Variants in OXR1 observed in about 807,000 individuals in gnomAD.
The protein encoded by OXR1 is oxidation resistance protein 1.
OXR1 carries 41 observed loss-of-function variants against 104.6 expected under a neutral mutation model. The observed-to-expected ratio is 0.39, with a 90% CI of 0.31 to 0.51. The LOEUF is 0.51. OXR1 is among the 20% of genes least tolerant of loss of function. OXR1 has a pLI of 0.77. For synonymous variants in OXR1, 348 were observed against 348.4 expected (o/e 1.00, Z 0.01); for missense variants, 955 against 1,031.9 (o/e 0.93, Z 1.02).
At chr8:106,389,939 G>A (rs1206752460) in intron 2 of OXR1, among the ~76,000 whole-genome samples, 1 of 152,046 alleles carries the variant, frequency 6.6e-6, no homozygotes, top group Admixed American at 6.6e-5. Flanking sequence ...GGTGGCAGGT[G>A]CCTGTAGTCC....
At chr8:106,749,507 G>T (rs964693498) in intron 16 of OXR1, among the ~76,000 whole-genome samples, 7 of 152,032 alleles carry the variant, frequency 4.6e-5, no homozygotes, top group Admixed American at 2.0e-4. Flanking sequence ...TCTTTTTTGT[G>T]TGTTTTAATA....
intron 2 of OXR1, among the ~76,000 whole-genome samples, chr8:106,480,804 C>T (rs905243637): frequency 2.0e-5 from 3 of 151,918 alleles, no homozygotes; most frequent in African/African-American, 4.8e-5. Context: ...TTGCCTATCT[C>T]ACAAAAGTTT....
intron 1 of OXR1, among the ~76,000 whole-genome samples, chr8:106,276,209 CTG>C (rs1812030158): frequency 6.6e-6 from 1 of 152,196 alleles, no homozygotes; most frequent in African/African-American, 2.4e-5. Flanking sequence ...AGGCTGTAGT[CTG>C]TTTTACAGAA....
intron 1 of OXR1, among the ~76,000 whole-genome samples, chr8:106,352,188 T>A (rs1815754060): frequency 1.3e-5 from 2 of 152,160 alleles, no homozygotes; most frequent in South Asian, 4.1e-4. Context: ...TGGAGAAAAG[T>A]GGATGTGTTC....
intron 3 of OXR1, among the ~76,000 whole-genome samples, chr8:106,528,175 C>T (rs1813833332): frequency 1.3e-5 from 2 of 151,552 alleles, no homozygotes; most frequent in Admixed American, 1.3e-4. Flanking sequence ...CTTTCCTTCC[C>T]TCCTTGTGTT....
intron 3 of OXR1, among the ~76,000 whole-genome samples, chr8:106,586,551 G>A (rs1415057719): frequency 3.3e-5 from 5 of 152,166 alleles, no homozygotes. Context: ...TGTGGAGTTT[G>A]GGGGAGAAAC....
At chr8:106,654,610 G>A (rs903547213) in intron 3 of OXR1, among the ~76,000 whole-genome samples, 1 of 151,974 alleles carries the variant, frequency 6.6e-6, no homozygotes, top group Non-Finnish European at 1.5e-5. Context: ...TTAGATCAAA[G>A]ACCTAATATA....
intron 7 of OXR1, among the ~76,000 whole-genome samples, chr8:106,693,858 C>T (rs1259291249): frequency 6.6e-6 from 1 of 152,130 alleles, no homozygotes. Flanking sequence ...ATGTCTATAA[C>T]ATGATACTGC....
intron 1 of OXR1, among the ~76,000 whole-genome samples, chr8:106,314,609 T>C (rs773941915): frequency 6.6e-6 from 1 of 152,192 alleles, no homozygotes; most frequent in Non-Finnish European, 1.5e-5. Context: ...TTTAGGAACA[T>C]GAACTTATAA....
chr8:106,742,107 T>C (rs1386339695), intron 14 of OXR1, 115 bp from the exon 15 acceptor site: 1 of 663,862 alleles, frequency 1.5e-6, no homozygotes, highest in Non-Finnish European at 2.6e-6. Flanking sequence ...TATGATTAGA[T>C]TAAACTATAC....
At chr8:106,432,371 C>G (rs1819395274) in intron 2 of OXR1, among the ~76,000 whole-genome samples, 1 of 152,140 alleles carries the variant, frequency 6.6e-6, no homozygotes, top group Non-Finnish European at 1.5e-5. Flanking sequence ...CCTGTTTCAT[C>G]CAATGCTGCA....
intron 1 of OXR1, among the ~76,000 whole-genome samples, chr8:106,356,497 G>A (rs1242224372): frequency 3.3e-5 from 5 of 151,884 alleles, no homozygotes; most frequent in African/African-American, 1.2e-4. Context: ...AAAAGCAATG[G>A]GTTCATATGA....
At chr8:106,637,379 A>G (rs1360850149) in intron 3 of OXR1, among the ~76,000 whole-genome samples, 1 of 152,208 alleles carries the variant, frequency 6.6e-6, no homozygotes, top group East Asian at 1.9e-4. Flanking sequence ...AACAATGAGT[A>G]CCATTTAAGG....
At chr8:106,521,137 A>G (rs1446333855) in intron 3 of OXR1, among the ~76,000 whole-genome samples, 2 of 152,208 alleles carry the variant, frequency 1.3e-5, no homozygotes, top group Non-Finnish European at 2.9e-5. Flanking sequence ...TGGAAACATT[A>G]TTTTCAAGGC....
At chr8:106,470,526 C>T (rs752213489) in intron 2 of OXR1, among the ~76,000 whole-genome samples, 5 of 151,720 alleles carry the variant, frequency 3.3e-5, no homozygotes, top group Non-Finnish European at 5.9e-5. Flanking sequence ...TTAGTTTGGA[C>T]ATGTGAACCT....
intron 9 of OXR1, among the ~76,000 whole-genome samples, chr8:106,708,029 T>G (rs888624257): frequency 6.6e-6 from 1 of 152,192 alleles, no homozygotes; most frequent in Non-Finnish European, 1.5e-5. Context: ...CACATTGTTA[T>G]GCAGATCATC....
intron 1 of OXR1, among the ~76,000 whole-genome samples, chr8:106,332,963 C>T (rs1220446149): frequency 6.6e-6 from 1 of 152,058 alleles, no homozygotes; most frequent in African/African-American, 2.4e-5. Flanking sequence ...CATGTAGTAA[C>T]ATATATCATT....
chr8:106,398,024 G>T (rs1817850418), intron 2 of OXR1, among the ~76,000 whole-genome samples: 1 of 151,956 alleles, frequency 6.6e-6, no homozygotes, highest in South Asian at 2.1e-4. Flanking sequence ...TCCGATCTCT[G>T]CCTTCTCCTT....
At chr8:106,716,347 G>A (rs531233407) in intron 11 of OXR1, among the ~76,000 whole-genome samples, 3 of 26,394 alleles carry the variant, frequency 1.1e-4, no homozygotes, top group Non-Finnish European at 1.5e-4. Context: ...ACTGGAGGCC[G>A]GGCGCGGTGG....
Sources: gnomAD v4.1 joint callset for allele counts (sites outside exome capture counted in the v4.1 genomes callset) on GRCh38, gnomAD v4.1.1 for gene constraint, MANE v1.5 for transcripts, NCBI Gene and HGNC (gene_info 2026-07-23, HGNC 2026-07-21) for gene names.